Variants in NKAIN2 observed in about 807,000 individuals in gnomAD.
The protein encoded by NKAIN2 is sodium/potassium-transporting ATPase subunit beta-1-interacting protein 2.
NKAIN2 carries 14 observed loss-of-function variants against 32.6 expected under a neutral mutation model. The ratio of observed to expected loss-of-function variants is 0.43; its 90% CI spans 0.28 to 0.67. The LOEUF (loss-of-function observed/expected upper bound fraction) is 0.67. NKAIN2 is among the 30% of genes least tolerant of loss of function. The pLI is 0.17. For synonymous variants in NKAIN2, 80 were observed against 87.2 expected (o/e 0.92, Z 0.46); for missense variants, 198 against 258.3 (o/e 0.77, Z 1.60).
intron 1 of NKAIN2, among the ~76,000 whole-genome samples, chr6:124,119,900 C>T (rs1785795078): frequency 6.6e-6 from 1 of 152,068 alleles, no homozygotes; most frequent in Admixed American, 6.6e-5. Context: ...TTCTTGGTCC[C>T]ATGTATATAT....
intron 3 of NKAIN2, among the ~76,000 whole-genome samples, chr6:124,620,712 G>A (rs1307505854): frequency 6.6e-6 from 1 of 152,198 alleles, no homozygotes; most frequent in African/African-American, 2.4e-5. Flanking sequence ...TTAACAGTGT[G>A]TATGGTCAGG....
At chr6:124,143,343 C>G (rs1787234505) in intron 1 of NKAIN2, among the ~76,000 whole-genome samples, 1 of 152,084 alleles carries the variant, frequency 6.6e-6, no homozygotes, top group Non-Finnish European at 1.5e-5. Context: ...CACCTGTGGT[C>G]CCAGCTACTT....
intron 2 of NKAIN2, among the ~76,000 whole-genome samples, chr6:124,328,547 A>G (rs976715820): frequency 6.6e-6 from 1 of 152,198 alleles, no homozygotes; most frequent in Non-Finnish European, 1.5e-5. Context: ...TACATGCAGC[A>G]AGCTTACTGA....
chr6:124,074,438 G>C (rs1209687227), intron 1 of NKAIN2, among the ~76,000 whole-genome samples: 1 of 152,160 alleles, frequency 6.6e-6, no homozygotes, highest in East Asian at 1.9e-4. Flanking sequence ...GGCCAACCTT[G>C]CAATCAGGCT....
At position 124,369,799 on chromosome 6, in the gene NKAIN2, C is replaced by T. The variant is rs1364360160; in HGVS notation, c.273+14452C>T. Among the ~76,000 whole-genome samples, 3 of 151,014 alleles carry T rather than the reference C, an allele frequency of 2.0e-5. No homozygotes were observed. In the South Asian group the frequency reaches 6.3e-4, roughly 32 times the overall value. On this transcript the variant is annotated intron_variant, in intron 3 of 6. Coordinates refer to ENST00000368417, the MANE Select transcript of NKAIN2 (RefSeq NM_001040214.3). ...TCACCGCCTTTATTTAAACTACTAC[C>T]CAGACATGATCCTTGGGACTCATTT... is the stretch of plus-strand genomic sequence containing the variant.
rs1460311896 is a variant in NKAIN2 at position 124,687,317 on chromosome 6, GTAATATATATATTCCATACATATACATA to G, written c.474+28954_474+28981del. Among the ~76,000 whole-genome samples the G allele has an allele frequency of 6.4e-4, 87 of 136,502 alleles. 1 individual carries two copies. The highest frequency in any genetic ancestry group is 2.3e-3 in the African/African-American group (85 of 37,664). The allele number at this position is 136,502 out of a possible 152,430, so 89.6% of individuals were successfully genotyped here. ...TATTCTATATATAGAGAATATATATGTAATATATATATTCCATACATATACATATAATATATATATTCCATACATACAC... is the reference window on the plus strand; with the variant it reads ...TATTCTATATATAGAGAATATATATGTAATATATATATTCCATACATACAC... On this transcript the variant is annotated intron_variant, in intron 4 of 6. Coordinates refer to ENST00000368417, the MANE Select transcript of NKAIN2 (RefSeq NM_001040214.3).
At chr6:124,805,227 C>G (rs1010814497) in intron 5 of NKAIN2, among the ~76,000 whole-genome samples, 10 of 152,224 alleles carry the variant, frequency 6.6e-5, no homozygotes, top group African/African-American at 2.2e-4. Context: ...AGCAGCCTAA[C>G]TGGGAGGCAC....
chr6:123,878,058 C>T, intron 1 of NKAIN2, among the ~76,000 whole-genome samples: 1 of 152,062 alleles, frequency 6.6e-6, no homozygotes, highest in Non-Finnish European at 1.5e-5. Context: ...GAAACCCTGC[C>T]TTTACTTAAA....
At chr6:124,226,878 C>G (rs1294095236) in intron 1 of NKAIN2, among the ~76,000 whole-genome samples, 1 of 152,160 alleles carries the variant, frequency 6.6e-6, no homozygotes, top group East Asian at 1.9e-4. Context: ...GAATTTAGCA[C>G]TTACACACAG....
chr6:124,515,713 C>CGTTTTTTTTTTTTTTTTTTTTTTTTTTT (rs1562232431), intron 3 of NKAIN2, among the ~76,000 whole-genome samples: 1 of 67,736 alleles, frequency 1.5e-5, no homozygotes, highest in African/African-American at 5.2e-5. Flanking sequence ...TTCGCTTTCT[C>CGTTTTTTTTTTTTTTTTTTTTTTTTTTT]TCCGTCTCGC....
At chr6:124,660,333 G>A (rs1479041) in intron 4 of NKAIN2, among the ~76,000 whole-genome samples, 58,666 of 151,918 alleles carry the variant, frequency 0.39, 11,450 homozygotes, top group African/African-American at 0.44. Context: ...GTATGTGTGC[G>A]TAAAATAGAT....
chr6:124,134,143 G>A (rs1470248354), intron 1 of NKAIN2, among the ~76,000 whole-genome samples: 1 of 151,570 alleles, frequency 6.6e-6, no homozygotes, highest in Non-Finnish European at 1.5e-5. Context: ...AAAAATTAAG[G>A]ATGTTGGTGA....
chr6:123,844,611 A>C (rs1229384108), intron 1 of NKAIN2, among the ~76,000 whole-genome samples: 1 of 152,216 alleles, frequency 6.6e-6, no homozygotes, highest in Non-Finnish European at 1.5e-5. Flanking sequence ...ATCTATGAGG[A>C]AGAGGAGGCA....
intron 1 of NKAIN2, among the ~76,000 whole-genome samples, chr6:123,847,655 C>G (rs772620211): frequency 2.0e-5 from 3 of 152,082 alleles, no homozygotes; most frequent in Non-Finnish European, 2.9e-5. Context: ...GAGAATAACT[C>G]ATAAACAGAT....
chr6:123,839,998 A>G (rs1483160229), intron 1 of NKAIN2, among the ~76,000 whole-genome samples: 1 of 152,142 alleles, frequency 6.6e-6, no homozygotes, highest in Admixed American at 6.5e-5. Flanking sequence ...TTGATTTCTA[A>G]CAGTTTTTGT....
chr6:124,798,832 A>C (rs1780126450), intron 5 of NKAIN2, among the ~76,000 whole-genome samples: 1 of 152,168 alleles, frequency 6.6e-6, no homozygotes. Context: ...GTACACACTG[A>C]TTCACTCAGG....
At chr6:124,404,035 T>C (rs1197743858) in intron 3 of NKAIN2, among the ~76,000 whole-genome samples, 1 of 152,224 alleles carries the variant, frequency 6.6e-6, no homozygotes, top group Non-Finnish European at 1.5e-5. Flanking sequence ...TTTATTCTTG[T>C]CTGCCTTCTT....
intron 3 of NKAIN2, among the ~76,000 whole-genome samples, chr6:124,410,419 C>T (rs1774104603): frequency 6.6e-6 from 1 of 152,108 alleles, no homozygotes; most frequent in Admixed American, 6.5e-5. Context: ...TTTCAAAGGA[C>T]ATCTTTATTT....
At chr6:124,029,894 A>T (rs1781330303) in intron 1 of NKAIN2, among the ~76,000 whole-genome samples, 1 of 152,060 alleles carries the variant, frequency 6.6e-6, no homozygotes, top group Non-Finnish European at 1.5e-5. Flanking sequence ...TGAACTGTGC[A>T]TGTGAGAGAT....
Sources: allele counts gnomAD v4.1 joint callset (sites outside exome capture counted in the v4.1 genomes callset), GRCh38; gene constraint gnomAD v4.1.1; transcripts MANE v1.5; gene names NCBI Gene and HGNC (gene_info 2026-07-23, HGNC 2026-07-21).